Variants in TMEM132D observed in about 807,000 individuals in gnomAD.
TMEM132D encodes mature OL transmembrane protein.
In TMEM132D, 21 loss-of-function variants were observed where a neutral mutation model predicts 62.3. The observed-to-expected ratio is 0.34, with a 90% CI of 0.24 to 0.49. TMEM132D has a LOEUF of 0.49. Ranked by LOEUF, TMEM132D falls within the 20% of genes least tolerant of loss-of-function variation. The pLI, the probability that TMEM132D is intolerant of heterozygous loss-of-function variation, is 0.99. For synonymous variants in TMEM132D, 621 were observed against 575.6 expected (o/e 1.08, Z -1.13); for missense variants, 1,346 against 1,402.8 (o/e 0.96, Z 0.65).
At chr12:129,652,119 A>T (rs566863412) in intron 2 of TMEM132D, among the ~76,000 whole-genome samples, 1 of 152,294 alleles carries the variant, frequency 6.6e-6, no homozygotes, top group South Asian at 2.1e-4. Flanking sequence ...GGACTTTGAA[A>T]ACTAGTTAAT....
At chr12:129,345,452 C>T (rs187344797) in intron 3 of TMEM132D, among the ~76,000 whole-genome samples, 52 of 152,232 alleles carry the variant, frequency 3.4e-4, no homozygotes, top group Middle Eastern at 3.4e-3. Flanking sequence ...CCAGTTTCAA[C>T]GGAATGGGCT....
intron 3 of TMEM132D, among the ~76,000 whole-genome samples, chr12:129,377,578 T>A (rs1230874277): frequency 6.6e-6 from 1 of 152,210 alleles, no homozygotes; most frequent in Non-Finnish European, 1.5e-5. Context: ...GGGGATGGTC[T>A]ACCATATTCC....
chr12:129,277,230 T>C lies in TMEM132D; in HGVS notation c.1299+60404A>G, dbSNP rs1290099470. ...CTTTTATTTTTTCTCACTAAAGATA[T>C]TTGTGCTTGTGTGTCTGAGTCTCTT... On this transcript the variant is annotated intron_variant, in intron 4 of 8. Coordinates refer to ENST00000422113, the MANE Select transcript of TMEM132D (RefSeq NM_133448.3). This position sits in a 1 kb window ranked among gnomAD's most constrained non-coding sequence, Gnocchi z 4.2. Among the ~76,000 whole-genome samples the C allele has an allele frequency of 2.0e-5, 3 of 152,308 alleles. No homozygotes were observed. The East Asian group carries it at 5.8e-4, about 29-fold the overall frequency.
chr12:129,365,444 A>G (rs900591209), intron 3 of TMEM132D, among the ~76,000 whole-genome samples: 2 of 152,200 alleles, frequency 1.3e-5, no homozygotes, highest in African/African-American at 4.8e-5. Flanking sequence ...TCCAAAGCTA[A>G]GGCCTTAAGA....
intron 3 of TMEM132D, among the ~76,000 whole-genome samples, chr12:129,462,365 C>T (rs1327735772): frequency 6.6e-6 from 1 of 152,052 alleles, no homozygotes; most frequent in African/African-American, 2.4e-5. Flanking sequence ...TCAAAGGTAT[C>T]CTGAAGAAAG....
chr12:129,641,189 G>C (rs569127966), intron 2 of TMEM132D, among the ~76,000 whole-genome samples: 198 of 152,224 alleles, frequency 1.3e-3, no homozygotes, highest in African/African-American at 4.6e-3. Context: ...CTGGTTCCTG[G>C]TGCCAAAAAT....
chr12:129,294,476 C>T (rs369712334), intron 4 of TMEM132D, among the ~76,000 whole-genome samples: 27 of 136,468 alleles, frequency 2.0e-4, no homozygotes, highest in Admixed American at 5.5e-4. Context: ...GCCTCTCACC[C>T]AGTCTTTCAG....
intron 3 of TMEM132D, among the ~76,000 whole-genome samples, chr12:129,437,787 C>T (rs1012387505): frequency 1.3e-4 from 20 of 150,842 alleles, no homozygotes; most frequent in Non-Finnish European, 2.5e-4. Context: ...ATGTGCAGAA[C>T]GTGCAGGTTT....
chr12:129,406,821 G>A (rs4759830), intron 3 of TMEM132D, among the ~76,000 whole-genome samples: 17,304 of 152,208 alleles, frequency 0.11, 1,448 homozygotes, highest in East Asian at 0.39. Flanking sequence ...GCAAGTGCAC[G>A]GCTATCCTAT....
At chr12:129,295,526 G>C (rs1013388644) in intron 4 of TMEM132D, among the ~76,000 whole-genome samples, 43 of 150,664 alleles carry the variant, frequency 2.9e-4, no homozygotes, top group Admixed American at 2.5e-3. Context: ...CACCTCCCGG[G>C]TTCAAGCGAT....
At chr12:129,524,727 G>A (rs187493612) in intron 3 of TMEM132D, among the ~76,000 whole-genome samples, 2 of 151,450 alleles carry the variant, frequency 1.3e-5, no homozygotes, top group African/African-American at 4.8e-5. Context: ...TCTCTAAAGT[G>A]GAAGAACCAT....
chr12:129,766,337 C>T (rs368478814), intron 1 of TMEM132D, among the ~76,000 whole-genome samples: 33 of 152,272 alleles, frequency 2.2e-4, no homozygotes, highest in African/African-American at 5.5e-4. Flanking sequence ...ATTCTATGTG[C>T]GTGTAACTTT....
chr12:129,421,202 A>G (rs1222275902), intron 3 of TMEM132D, among the ~76,000 whole-genome samples: 3 of 152,092 alleles, frequency 2.0e-5, no homozygotes, highest in African/African-American at 7.2e-5. Context: ...GCCTCAAATG[A>G]TCCGCCTGCC....
At chr12:129,870,907 C>T (rs891153525) in intron 1 of TMEM132D, among the ~76,000 whole-genome samples, 1 of 152,106 alleles carries the variant, frequency 6.6e-6, no homozygotes, top group Non-Finnish European at 1.5e-5. Flanking sequence ...TGCACTAACT[C>T]TAGGTGGTCA....
rs1383851631 is a variant in TMEM132D, at chr12:129,074,193, G to A, written c.2982C>T (p.Gly994=). Residue 994 remains glycine, a synonymous_variant, in exon 9 of 9, where the codon GGC becomes GGT. Coordinates refer to ENST00000422113, the MANE Select transcript of TMEM132D (RefSeq NM_133448.3). Reference sequence around the variant, plus strand: ...GATATTTACTTTCCTCGAAATCCATGCCCCTGTCAATGGCAGTGATTTGCT... The same window carrying A: ...GATATTTACTTTCCTCGAAATCCATACCCCTGTCAATGGCAGTGATTTGCT... ...QDEQITAIDR[G]MDFEESKYLL... The A allele has an allele frequency of 6.2e-7, 1 of 1,614,038 alleles. No homozygotes were observed. Among genetic ancestry groups the A allele is most frequent in the South Asian group, 1.1e-5 (1 of 91,062 alleles).
At chr12:129,428,762 T>C (rs1305310972) in intron 3 of TMEM132D, among the ~76,000 whole-genome samples, 1 of 152,164 alleles carries the variant, frequency 6.6e-6, no homozygotes, top group Non-Finnish European at 1.5e-5. Flanking sequence ...CACTTAGTCC[T>C]TACTCCCTAA....
At chr12:129,108,701 C>T (rs550541032) in intron 5 of TMEM132D, among the ~76,000 whole-genome samples, 1 of 152,342 alleles carries the variant, frequency 6.6e-6, no homozygotes, top group Admixed American at 6.5e-5. Flanking sequence ...CAAACTTCAG[C>T]AGTGCTCAAT....
chr12:129,194,260 A>G (rs1333622017), intron 5 of TMEM132D, among the ~76,000 whole-genome samples: 1 of 152,208 alleles, frequency 6.6e-6, no homozygotes, highest in Non-Finnish European at 1.5e-5. Context: ...CTTTACATCC[A>G]GAACACTAAC....
At chr12:129,412,016 A>AT (rs1174912012) in intron 3 of TMEM132D, among the ~76,000 whole-genome samples, 1 of 152,198 alleles carries the variant, frequency 6.6e-6, no homozygotes, top group Non-Finnish European at 1.5e-5. Context: ...AATAATCCAC[A>AT]TTTTTTATTT....
Sources: allele counts gnomAD v4.1 joint callset (sites outside exome capture counted in the v4.1 genomes callset), GRCh38; gene constraint gnomAD v4.1.1; non-coding constraint Gnocchi (gnomAD v3.1); transcripts MANE v1.5; gene names NCBI Gene and HGNC (gene_info 2026-07-23, HGNC 2026-07-21).